Variants in FAM110A observed in about 807,000 individuals in gnomAD.
The protein encoded by FAM110A is protein FAM110A.
In FAM110A, 1 loss-of-function variant was observed where a neutral mutation model predicts 4.0. The observed-to-expected ratio is 0.25, with a 90% CI of 0.09 to 1.20. FAM110A has a LOEUF of 1.20. FAM110A is among the 50% of genes most tolerant of loss of function. The pLI is 0.50. For synonymous variants in FAM110A, 217 were observed against 196.8 expected (o/e 1.10, Z -0.86); for missense variants, 436 against 429.2 (o/e 1.02, Z -0.14).
In FAM110A at chr20:840,782, G is replaced by A. The variant is rs531211057; in HGVS notation, c.-97-3926G>A. Among the ~76,000 whole-genome samples the A allele has an allele frequency of 1.3e-5, 2 of 152,312 alleles. No homozygotes were observed. The highest frequency in any genetic ancestry group is 3.9e-4 in the East Asian group (2 of 5,186). Reference sequence around the variant, plus strand: ...GTCTGGAGGGAAAGTGCGCAGGCTGGACTCCCCAGAGTGATTTTGGGCTAG... The same window carrying A: ...GTCTGGAGGGAAAGTGCGCAGGCTGAACTCCCCAGAGTGATTTTGGGCTAG... On this transcript the variant is annotated intron_variant, in intron 1 of 1. Transcript: ENST00000381941. The surrounding 1 kb of genome is among the most constrained non-coding windows in gnomAD (Gnocchi z 4.4).
At position 845,143 on chromosome 20, in the gene FAM110A, G is replaced by C. The variant is rs772635261; in HGVS notation, c.339G>C (p.Leu113Phe). 6 of 1,579,382 alleles carry C rather than the reference G, an allele frequency of 3.8e-6. No homozygotes were observed. Among genetic ancestry groups the C allele is most frequent in the Non-Finnish European group, 5.2e-6 (6 of 1,164,594 alleles). The part of the protein sequence containing the change: ...DLDILSSLID[L>F]CDSPVSPAEA... ...ACATCCTCAGCAGCCTCATCGACTT[G>C]TGTGACAGCCCCGTGTCCCCTGCCG... is the stretch of plus-strand genomic sequence containing the variant. Residue 113 changes from leucine to phenylalanine, a missense_variant, in exon 2 of 2, where the codon TTG (leucine) becomes TTC (phenylalanine). Physicochemically the swap from Leu to Phe is conservative, Grantham distance 22. Transcript: ENST00000381941.
Position 840,097 on chromosome 20 carries a change from C to T in FAM110A, c.-97-4611C>T, listed in dbSNP as rs759228859. 26 of 661,786 alleles carry T rather than the reference C, an allele frequency of 3.9e-5. No homozygotes were observed. Among genetic ancestry groups the T allele is most frequent in the Middle Eastern group, 4.2e-4 (1 of 2,382 alleles). The allele number at this position is 661,786 out of a possible 1,614,324, so 41.0% of individuals were successfully genotyped here. On this transcript the variant is annotated intron_variant, in intron 1 of 1. Coordinates refer to ENST00000381941, the MANE Select transcript of FAM110A (RefSeq NM_001042353.3). This position sits in a 1 kb window ranked among gnomAD's most constrained non-coding sequence, Gnocchi z 4.4. ...TACTATTAGCGCCTGAAGGAGCCTT[C>T]CCTCCCCATCCCCCATTTCTGCCTC... is the stretch of plus-strand genomic sequence containing the variant.
chr20:836,944 A>G (rs1221535380), intron 1 of FAM110A, among the ~76,000 whole-genome samples: 1 of 149,420 alleles, frequency 6.7e-6, no homozygotes, highest in Non-Finnish European at 1.5e-5. Context: ...TGTGGTTTTA[A>G]TTTACATTTC....
Position 834,142 on chromosome 20 carries a change from C to T in FAM110A, c.-98+191C>T, listed in dbSNP as rs1979457733. 6.6e-6 allele frequency among the ~76,000 whole-genome samples: 1 copy of T among 152,232 alleles called. No individual in the cohort carries two copies. The highest frequency in any genetic ancestry group is 1.5e-5 in the Non-Finnish European group (1 of 68,034). On this transcript the variant is annotated intron_variant, in intron 1 of 1. Coordinates refer to ENST00000381941, the MANE Select transcript of FAM110A (RefSeq NM_001042353.3). The surrounding 1 kb of genome is among the most constrained non-coding windows in gnomAD (Gnocchi z 5.6). Reference sequence around the variant, plus strand: ...ATCCAGTTCAAGTCTTTCTGCCCCACCTCGCAGCCCCCTAGTCTAGTCACA... The same window carrying T: ...ATCCAGTTCAAGTCTTTCTGCCCCATCTCGCAGCCCCCTAGTCTAGTCACA...
chr20:839,514 G>T, intron 1 of FAM110A: 2 of 1,014,320 alleles, frequency 2.0e-6, no homozygotes, highest in Non-Finnish European at 3.1e-6. Context: ...TGCTGACCCA[G>T]CCCCAGCCTC....
At chr20:841,523 A>T (rs1979910916) in intron 1 of FAM110A, among the ~76,000 whole-genome samples, 1 of 152,134 alleles carries the variant, frequency 6.6e-6, no homozygotes, top group South Asian at 2.1e-4. Context: ...CCGACCCCCC[A>T]TCCCCCGCCA....
At position 845,516 on chromosome 20, in the gene FAM110A, A is replaced by C; in HGVS notation, c.712A>C (p.Ser238Arg). 6.2e-7 allele frequency: 1 copy of C among 1,612,374 alleles called. No individual in the cohort carries two copies. The highest frequency in any genetic ancestry group is 8.5e-7 in the Non-Finnish European group (1 of 1,179,340). ...SSDIVSLAGP[S>R]AGPGSSEGGC... ...GGATATCGTGTCCCTGGCAGGGCCC[A>C]GTGCTGGGCCGGGCAGCTCTGAAGG... The change falls in exon 2 of 2, where the codon AGT becomes CGT. Residue 238 changes from serine to arginine, a missense_variant. Transcript: ENST00000381941.
chr20:844,656 T>G, intron 1 of FAM110A, 52 bp from the exon 2 acceptor site: 2 of 1,284,652 alleles, frequency 1.6e-6, no homozygotes, highest in Non-Finnish European at 2.0e-6. Flanking sequence ...GCTGAGCCTC[T>G]TTGTCTGAGC....
chr20:838,612 A>G (rs1979707468), intron 1 of FAM110A, among the ~76,000 whole-genome samples: 1 of 152,218 alleles, frequency 6.6e-6, no homozygotes, highest in Non-Finnish European at 1.5e-5. Flanking sequence ...AGGAGATGAC[A>G]TTTGAAATGA....
rs1043153663 is a variant in FAM110A, at chr20:834,616, G to T, written c.-98+665G>T. ...AGGCCAGACCCTGCTGTGTCTCCTG[G>T]GGACACCCCCTGCCCCCTAGGTTGC... On this transcript the variant is annotated intron_variant, in intron 1 of 1. Transcript: ENST00000381941. This position sits in a 1 kb window ranked among gnomAD's most constrained non-coding sequence, Gnocchi z 5.6. Among the ~76,000 whole-genome samples the T allele has an allele frequency of 2.0e-5, 3 of 152,168 alleles. No homozygotes were observed. The highest frequency in any genetic ancestry group is 7.2e-5 in the African/African-American group (3 of 41,434).
chr20:835,592 A>G (rs1400944021), intron 1 of FAM110A, among the ~76,000 whole-genome samples: 1 of 152,160 alleles, frequency 6.6e-6, no homozygotes, highest in African/African-American at 2.4e-5. Context: ...TAGAAGATCA[A>G]CTTGGTATCA....
Position 845,780 on chromosome 20 carries a change from C to T in FAM110A, c.*88C>T. On this transcript the variant is annotated 3_prime_UTR_variant, in exon 2 of 2. Transcript: ENST00000381941. ...TCTCTTGCATCCATTCTCTAGACGG[C>T]CGTGTCAGAGGCTCCACCCTGTTGT... The T allele has an allele frequency of 1.9e-6, 3 of 1,553,534 alleles. No homozygotes were observed. Among genetic ancestry groups the T allele is most frequent in the South Asian group, 1.2e-5 (1 of 81,718 alleles).
intron 1 of FAM110A, among the ~76,000 whole-genome samples, chr20:843,779 C>T (rs636681): frequency 6.6e-6 from 1 of 152,176 alleles, no homozygotes; most frequent in East Asian, 1.9e-4. Context: ...TGGGTGACCA[C>T]GTAGACACTT....
In FAM110A at chr20:845,411, G is replaced by A. The variant is rs201879889; in HGVS notation, c.607G>A (p.Glu203Lys). ...CTTTTCTAGGGCAGCCGCTGATCTC[G>A]AGCGCTTTTTTAACTTCTGCGGCCT... ...ERFSRAAADL[E>K]RFFNFCGLDP... is the part of the protein sequence containing the mutation. Residue 203 changes from glutamate to lysine, a missense_variant, in exon 2 of 2, where the codon GAG becomes AAG. By Grantham distance (56) the Glu-to-Lys change is moderately conservative (BLOSUM62 1). Transcript: ENST00000381941. 16 of 1,613,648 alleles carry A rather than the reference G, an allele frequency of 9.9e-6. No homozygotes were observed. Among genetic ancestry groups the A allele is most frequent in the African/African-American group, 2.7e-5 (2 of 74,932 alleles).
chr20:837,058 T>G lies in FAM110A; in HGVS notation c.-98+3107T>G, dbSNP rs181502168. 4.4e-3 allele frequency among the ~76,000 whole-genome samples: 635 copies of G among 143,658 alleles called. 4 individuals carry two copies. The highest frequency in any genetic ancestry group is 0.016 in the African/African-American group (608 of 38,888). The allele number at this position is 143,658 out of a possible 152,430, so 94.2% of individuals were successfully genotyped here. A position where few individuals can be genotyped will look rare whatever the true frequency, so the allele number is the denominator to read the frequency against. ...TGACTCTGCATTGTTTTTTTTTTTT[T>G]TTTTTTTTTTTGAGACAAGAGTTTC... On this transcript the variant is annotated intron_variant, in intron 1 of 1. Coordinates refer to ENST00000381941, the MANE Select transcript of FAM110A (RefSeq NM_001042353.3).
chr20:839,880 G>C, intron 1 of FAM110A: 2 of 1,605,324 alleles, frequency 1.2e-6, no homozygotes, highest in Non-Finnish European at 1.7e-6. Flanking sequence ...TGCCAGCTCC[G>C]GGTGCTTAGG....
rs1448770532 is a variant in FAM110A, at chr20:845,028, C to T, written c.224C>T (p.Pro75Leu). Residue 75 changes from proline (P) to leucine (L), a missense_variant, in exon 2 of 2, where the codon CCG becomes CTG. Coordinates refer to ENST00000381941, the MANE Select transcript of FAM110A (RefSeq NM_001042353.3). The stretch of plus-strand genomic sequence containing the variant: ...GTGCAGCCCCTGCTGTCCAAACAGC[C>T]GCTCTTTAGCCCTGAGACTCGCCGC... ...EPVQPLLSKQ[P>L]LFSPETRRTV... is the part of the protein sequence containing the mutation. 5 of 1,593,582 alleles carry T rather than the reference C, an allele frequency of 3.1e-6. No homozygotes were observed. Among genetic ancestry groups the T allele is most frequent in the Middle Eastern group, 1.7e-4 (1 of 6,036 alleles).
chr20:841,218 A>G (rs1182840813), intron 1 of FAM110A: 1 of 152,184 alleles, frequency 6.6e-6, no homozygotes, highest in Non-Finnish European at 1.5e-5. Flanking sequence ...CAGCGGGTTC[A>G]CTTGCCCGCG....
chr20:839,555 A>G, intron 1 of FAM110A: 1 of 1,011,178 alleles, frequency 9.9e-7, no homozygotes. Flanking sequence ...GGGGCACAGA[A>G]CACCGTCTGT....
Sources: gnomAD v4.1 joint callset for allele counts (sites outside exome capture counted in the v4.1 genomes callset) on GRCh38, gnomAD v4.1.1 for gene constraint, Gnocchi (gnomAD v3.1) non-coding constraint, MANE v1.5 for transcripts, NCBI Gene and HGNC (gene_info 2026-07-23, HGNC 2026-07-21) for gene names.